The following ADAMTS16 variants were observed in gnomAD, a reference collection of about 807,000 sequenced individuals.
ADAMTS16 encodes ADAM metallopeptidase with thrombospondin type 1 motif 16.
A neutral mutation model predicts 145.8 loss-of-function variants in ADAMTS16; 94 were observed. The ratio of observed to expected loss-of-function variants is 0.64; its 90% confidence interval spans 0.55 to 0.77. ADAMTS16 has a LOEUF of 0.77. Among genes scored for constraint, ADAMTS16 ranks in the 30% least tolerant of loss-of-function variants. The pLI, the probability that ADAMTS16 is intolerant of heterozygous loss-of-function variation, is 0.00. For synonymous variants in ADAMTS16, 659 were observed against 604.3 expected (o/e 1.09, Z -1.33); for missense variants, 1,585 against 1,591.5 (o/e 1.00, Z 0.07).
chr5:5,302,878 G>A (rs4702254), intron 18 of ADAMTS16, among the ~76,000 whole-genome samples: 1 of 152,044 alleles, frequency 6.6e-6, no homozygotes, highest in Non-Finnish European at 1.5e-5. Flanking sequence ...ACGCTGTAGG[G>A]GTTGGGGGCA....
In ADAMTS16 at chr5:5,234,353, C is replaced by T. The variant is rs146126759; in HGVS notation, c.1851-661C>T. Among the ~76,000 whole-genome samples the T allele has an allele frequency of 3.8e-3, 585 of 152,336 alleles. 2 individuals are homozygous for T. The highest frequency in any genetic ancestry group is 0.011 in the African/African-American group (437 of 41,574). On this transcript the variant is annotated intron_variant, in intron 12 of 22. Coordinates refer to ENST00000274181, the MANE Select transcript of ADAMTS16 (RefSeq NM_139056.4). ...CTTCCCTCTGAGTTCCACATTCTCT[C>T]AAATGTGCTATCCTGGGAAAGTGTG... is the stretch of plus-strand genomic sequence containing the variant.
At chr5:5,194,944 G>A (rs1393732494) in intron 8 of ADAMTS16, among the ~76,000 whole-genome samples, 19 of 152,112 alleles carry the variant, frequency 1.2e-4, no homozygotes, top group Non-Finnish European at 1.5e-5. Flanking sequence ...CATTATTTGG[G>A]ATGGAGGAGT....
intron 16 of ADAMTS16, among the ~76,000 whole-genome samples, chr5:5,241,606 G>C (rs1395081626): frequency 6.6e-6 from 1 of 152,190 alleles, no homozygotes; most frequent in Non-Finnish European, 1.5e-5. Context: ...CAGATGCAGG[G>C]ATTTGCAGGG....
At chr5:5,307,233 C>T (rs1015505400) in intron 21 of ADAMTS16, among the ~76,000 whole-genome samples, 1 of 152,172 alleles carries the variant, frequency 6.6e-6, no homozygotes, top group African/African-American at 2.4e-5. Context: ...TGCGATGCTG[C>T]TGGCATTTCT....
intron 10 of ADAMTS16, among the ~76,000 whole-genome samples, chr5:5,220,436 G>T (rs182534868): frequency 2.6e-5 from 4 of 151,838 alleles, no homozygotes; most frequent in Admixed American, 2.6e-4. Context: ...GGGATTACAG[G>T]TGTGAGCCAC....
intron 3 of ADAMTS16, among the ~76,000 whole-genome samples, chr5:5,164,966 G>T (rs929791749): frequency 3.9e-5 from 6 of 152,076 alleles, no homozygotes; most frequent in Non-Finnish European, 7.3e-5. Context: ...CTTTATTGAG[G>T]TATGATTTAC....
intron 18 of ADAMTS16, among the ~76,000 whole-genome samples, chr5:5,294,733 G>A (rs1378536669): frequency 2.0e-5 from 3 of 152,152 alleles, no homozygotes; most frequent in East Asian, 3.9e-4. Flanking sequence ...TTGGAAAGCC[G>A]AGTCTGTGTG....
chr5:5,216,703 C>G (rs1560953261), intron 10 of ADAMTS16, among the ~76,000 whole-genome samples: 2 of 147,944 alleles, frequency 1.4e-5, no homozygotes, highest in Non-Finnish European at 3.0e-5. Context: ...TGCGCTGCAC[C>G]CACTAACTCG....
intron 9 of ADAMTS16, among the ~76,000 whole-genome samples, chr5:5,205,050 T>C (rs1436344290): frequency 6.6e-6 from 1 of 152,080 alleles, no homozygotes; most frequent in Non-Finnish European, 1.5e-5. Context: ...TCCTTTTTAG[T>C]AAAGTGCTAT....
At chr5:5,304,519 C>T (rs1223755544) in intron 20 of ADAMTS16, among the ~76,000 whole-genome samples, 1 of 152,122 alleles carries the variant, frequency 6.6e-6, no homozygotes, top group African/African-American at 2.4e-5. Flanking sequence ...AGCTGTGCCT[C>T]TGCATTGCCA....
rs1415178052 is a variant in ADAMTS16, at chr5:5,140,670, G to A, written c.79G>A (p.Ala27Thr). The A allele has an allele frequency of 6.4e-7, 1 of 1,552,894 alleles. No homozygotes were observed. Among genetic ancestry groups the A allele is most frequent in the Non-Finnish European group, 8.7e-7 (1 of 1,152,584 alleles). The change falls in exon 2 of 23, where the codon GCG (alanine) becomes ACG (threonine). Residue 27 changes from alanine to threonine, a missense_variant. Physicochemically the swap from Ala to Thr is moderately conservative, Grantham distance 58. Coordinates refer to ENST00000274181, the MANE Select transcript of ADAMTS16 (RefSeq NM_139056.4). The stretch of plus-strand genomic sequence containing the variant: ...TCGCCGCTGTTTTCCGCAGGCACCT[G>A]CGTGCGCCATGGGACCCGCAGCGGC... Reference protein sequence around the residue: ...LLAQVAEQAPACAMGPAAAAP... With the variant: ...LLAQVAEQAPTCAMGPAAAAP...
At position 5,140,412 on chromosome 5, in the gene ADAMTS16, G is replaced by A. The variant is rs899446509; in HGVS notation, c.-56G>A. On this transcript the variant is annotated 5_prime_UTR_variant, in exon 1 of 23. Coordinates refer to ENST00000274181, the MANE Select transcript of ADAMTS16 (RefSeq NM_139056.4). ...TGGGTCGGGTCCTCCCTGCCCGCTC[G>A]CACGCTGCCGGCCGGGGACCCTCCG... 232 of 1,475,518 alleles carry A rather than the reference G, an allele frequency of 1.6e-4. No individual in the cohort carries two copies. The highest frequency in any genetic ancestry group is 1.9e-4 in the Non-Finnish European group (211 of 1,118,930). The allele number at this position is 1,475,518 out of a possible 1,614,324, so 91.4% of individuals were successfully genotyped here.
rs1579331568 is a variant in ADAMTS16 at position 5,236,836 on chromosome 5, G to T, written c.2024-133G>T. ...ACATAATGAGGCAACCATTAAAAAT[G>T]CCATTGTAATGTATTATTGTGTGGG... On this transcript the variant is annotated intron_variant, in intron 13 of 22. Transcript: ENST00000274181. 1.1e-5 allele frequency: 12 copies of T among 1,122,776 alleles called. No homozygotes were observed. In the East Asian group the frequency reaches 2.9e-4, roughly 27 times the overall value. The allele number at this position is 1,122,776 out of a possible 1,614,324, so 69.6% of individuals were successfully genotyped here.
intron 17 of ADAMTS16, among the ~76,000 whole-genome samples, chr5:5,243,069 A>G (rs1376072505): frequency 6.6e-6 from 1 of 152,226 alleles, no homozygotes; most frequent in African/African-American, 2.4e-5. Flanking sequence ...GAATGAACAA[A>G]AATAAATAAA....
chr5:5,252,899 C>A (rs1293651591), intron 17 of ADAMTS16, among the ~76,000 whole-genome samples: 1 of 152,158 alleles, frequency 6.6e-6, no homozygotes, highest in Non-Finnish European at 1.5e-5. Flanking sequence ...AGAGGGGATG[C>A]TTCTCTCTAA....
intron 21 of ADAMTS16, among the ~76,000 whole-genome samples, chr5:5,311,547 C>CT (rs11315258): frequency 1.7e-4 from 21 of 125,820 alleles, no homozygotes; most frequent in African/African-American, 6.3e-4. Flanking sequence ...TAGTCTGCTC[C>CT]TTTTTTTTTT....
chr5:5,252,564 G>GC (rs70965932), intron 17 of ADAMTS16, among the ~76,000 whole-genome samples: 1 of 152,008 alleles, frequency 6.6e-6, no homozygotes, highest in African/African-American at 2.4e-5. Context: ...TTAGCGGACC[G>GC]CCCCCCTCAT....
At chr5:5,211,855 C>T (rs1736277837) in intron 10 of ADAMTS16, among the ~76,000 whole-genome samples, 1 of 151,886 alleles carries the variant, frequency 6.6e-6, no homozygotes, top group Admixed American at 6.6e-5. Flanking sequence ...AATAATTCTC[C>T]AGATAACTTA....
intron 21 of ADAMTS16, among the ~76,000 whole-genome samples, chr5:5,308,949 C>CAAAAAAAAAAAAAA (rs56068510): frequency 1.1e-5 from 1 of 87,182 alleles, no homozygotes; most frequent in African/African-American, 4.4e-5. Context: ...GACTCCGTCT[C>CAAAAAAAAAAAAAA]AAAAAAAAAA....
Sources: gnomAD v4.1 joint callset for allele counts (sites outside exome capture counted in the v4.1 genomes callset) on GRCh38, gnomAD v4.1.1 for gene constraint, MANE v1.5 for transcripts, NCBI Gene and HGNC (gene_info 2026-07-23, HGNC 2026-07-21) for gene names.